HOOK3: variants seen among roughly 807,000 people sequenced by gnomAD.
HOOK3 encodes protein Hook homolog 3.
A neutral mutation model predicts 116.3 loss-of-function variants in HOOK3; 24 were observed. That is an observed-to-expected ratio of 0.21 (90% confidence interval 0.15 to 0.29). The LOEUF (loss-of-function observed/expected upper bound fraction) is 0.29. Ranked by LOEUF, HOOK3 falls within the 10% of genes least tolerant of loss-of-function variation. The probability of loss-of-function intolerance (pLI) is 1.00; values close to 1 mark genes in which losing one functional copy is unlikely to be tolerated. For missense variants in HOOK3, 632 were observed against 830.2 expected (o/e 0.76, Z 2.93); for synonymous variants, 275 against 283.0 (o/e 0.97, Z 0.28).
At position 42,994,434 on chromosome 8, in the gene HOOK3, G is replaced by A. The variant is rs191545829; in HGVS notation, c.1533-3116G>A. 1,300 of 415,840 alleles carry A rather than the reference G, an allele frequency of 3.1e-3. 34 individuals carry two copies. The highest frequency in any genetic ancestry group is 0.022 in the South Asian group (1,256 of 58,136). 25.8% of individuals were successfully genotyped at this position (415,840 alleles called of 1,614,324 possible). On this transcript the variant is annotated intron_variant, in intron 15 of 21. Transcript: ENST00000307602. ...GAAGGTTTTCTCTTTTTTGATGTAG[G>A]TACTTGTGCCCATAAATTTCCCTCT...
At chr8:42,986,233 A>G (rs1809046946) in intron 14 of HOOK3, among the ~76,000 whole-genome samples, 1 of 152,200 alleles carries the variant, frequency 6.6e-6, no homozygotes, top group Admixed American at 6.6e-5. Context: ...TATTTCAGGA[A>G]TGGGTAGACT....
At chr8:42,903,174 G>A (rs1218871087) in intron 1 of HOOK3, among the ~76,000 whole-genome samples, 2 of 152,082 alleles carry the variant, frequency 1.3e-5, no homozygotes, top group Non-Finnish European at 2.9e-5. Flanking sequence ...GGGCAGCTTG[G>A]AAGGATCCTC....
chr8:43,002,922 A>G (rs987459794), intron 17 of HOOK3, among the ~76,000 whole-genome samples: 1 of 152,222 alleles, frequency 6.6e-6, no homozygotes. Context: ...GGAATTACAA[A>G]CAAGGACTTT....
intron 2 of HOOK3, among the ~76,000 whole-genome samples, chr8:42,919,129 C>T (rs937751395): frequency 8.0e-5 from 12 of 149,938 alleles, no homozygotes; most frequent in East Asian, 4.0e-4. Context: ...CGGGTGGAGA[C>T]GCTCCTCACT....
At chr8:42,923,779 T>C (rs998477713) in intron 2 of HOOK3, among the ~76,000 whole-genome samples, 2 of 152,206 alleles carry the variant, frequency 1.3e-5, no homozygotes, top group African/African-American at 4.8e-5. Context: ...AAATGCATTG[T>C]GTACTGTAAA....
At chr8:42,963,432 T>C (rs1233137105) in intron 8 of HOOK3, among the ~76,000 whole-genome samples, 2 of 152,250 alleles carry the variant, frequency 1.3e-5, no homozygotes, top group South Asian at 4.1e-4. Context: ...AACGTTTGGA[T>C]TGTTTCCAGT....
At chr8:42,921,126 G>A (rs1304534342) in intron 2 of HOOK3, among the ~76,000 whole-genome samples, 1 of 151,880 alleles carries the variant, frequency 6.6e-6, no homozygotes, top group Non-Finnish European at 1.5e-5. Context: ...TAACCTTGGA[G>A]ATCTTGGAGT....
chr8:42,906,809 T>G (rs1406909196), intron 2 of HOOK3, among the ~76,000 whole-genome samples: 1 of 152,202 alleles, frequency 6.6e-6, no homozygotes, highest in Non-Finnish European at 1.5e-5. Context: ...GGGAATTTGT[T>G]TTCACTGTTG....
At chr8:42,897,320 C>T (rs1042533998) in intron 1 of HOOK3, 132 bp downstream of exon 1, 1 of 512,858 alleles carries the variant, frequency 1.9e-6, no homozygotes, top group Admixed American at 4.4e-5. Context: ...GCGGGCGGGG[C>T]GAGGAGGCTC....
chr8:42,999,835 T>C lies in HOOK3; in HGVS notation c.1620+2198T>C, dbSNP rs984452537. On this transcript the variant is annotated intron_variant, in intron 16 of 21. Coordinates refer to ENST00000307602, the MANE Select transcript of HOOK3 (RefSeq NM_032410.4). ...GAGGAGACGGTAGAAAAAAGAAAAA[T>C]GTACATTTCTTTTAAAAGTGCATAT... Among the ~76,000 whole-genome samples, 6 of 151,934 alleles carry C rather than the reference T, an allele frequency of 3.9e-5. No individual in the cohort carries two copies. In the East Asian group the frequency reaches 7.7e-4, roughly 20 times the overall value.
intron 6 of HOOK3, 90 bp downstream of exon 6, chr8:42,950,545 C>A: frequency 4.1e-6 from 3 of 731,922 alleles, no homozygotes; most frequent in South Asian, 2.0e-5. Context: ...TTAAGAGATT[C>A]TCCTCATTTT....
At chr8:42,949,377 T>C (rs1489760097) in intron 5 of HOOK3, 1 of 152,070 alleles carries the variant, frequency 6.6e-6, no homozygotes, top group African/African-American at 2.4e-5. Flanking sequence ...GTGGATCATT[T>C]TATTTTTTGT....
rs1283081574 is a variant in HOOK3, at chr8:43,026,259, T to G, written c.*7761T>G. The G allele has an allele frequency of 5.1e-6, 1 of 197,990 alleles. No homozygotes were observed. The highest frequency in any genetic ancestry group is 1.0e-5 in the Non-Finnish European group (1 of 95,838). 12.3% of individuals were successfully genotyped at this position (197,990 alleles called of 1,614,324 possible). On this transcript the variant is annotated 3_prime_UTR_variant, in exon 22 of 22. Coordinates refer to ENST00000307602, the MANE Select transcript of HOOK3 (RefSeq NM_032410.4). ...TAGTGTGTGTATTTTATTTAGTGTCTTAATATATAGTCTTTATATAGTATC... is the reference window on the plus strand; with the variant it reads ...TAGTGTGTGTATTTTATTTAGTGTCGTAATATATAGTCTTTATATAGTATC...
chr8:42,973,225 A>C, intron 11 of HOOK3, 64 bp from the exon 12 acceptor site: 1 of 1,525,880 alleles, frequency 6.6e-7, no homozygotes, highest in Non-Finnish European at 8.8e-7. Flanking sequence ...AACCTGTAGA[A>C]GAAAATAAGG....
chr8:42,930,364 C>A (rs1163070570), intron 4 of HOOK3, among the ~76,000 whole-genome samples, 192 bp downstream of exon 4: 1 of 152,170 alleles, frequency 6.6e-6, no homozygotes, highest in African/African-American at 2.4e-5. Flanking sequence ...ATCCTTTTCA[C>A]TGTATTATAG....
intron 13 of HOOK3, among the ~76,000 whole-genome samples, chr8:42,980,747 G>A (rs1808923392): frequency 6.6e-6 from 1 of 152,108 alleles, no homozygotes; most frequent in Non-Finnish European, 1.5e-5. Context: ...ATCTGGGTGT[G>A]GAGACGGGTG....
In HOOK3 at chr8:42,973,373, G is replaced by T; in HGVS notation, c.1207G>T (p.Val403Phe). 3 of 1,612,376 alleles carry T rather than the reference G, an allele frequency of 1.9e-6. No homozygotes were observed. The South Asian group carries it at 3.3e-5, about 18-fold the overall frequency. Reference sequence around the variant, plus strand: ...TGAATATAAGCGGCTAAAAGAAAAAGTTGACAGTCTTCAAAAAGAAAAGGA... The same window carrying T: ...TGAATATAAGCGGCTAAAAGAAAAATTTGACAGTCTTCAAAAAGAAAAGGA... ...DFEYKRLKEK[V>F]DSLQKEKDRL... Residue 403 changes from valine (V) to phenylalanine (F), a missense_variant, in exon 12 of 22, where the codon GTT becomes TTT. Physicochemically the swap from Val to Phe is conservative, Grantham distance 50. This residue lies in a region of HOOK3 where 483 missense variants were observed against 648.1 expected (regional missense o/e 0.75). Transcript: ENST00000307602.
chr8:43,002,104 TAGTC>T lies in HOOK3; in HGVS notation c.1623_1626del (p.Val542PhefsTer2), dbSNP rs775292800. On this transcript the variant is annotated splice_acceptor_variant and coding_sequence_variant, in exon 17 of 22. Coordinates refer to ENST00000307602, the MANE Select transcript of HOOK3 (RefSeq NM_032410.4). LOFTEE classifies it high-confidence loss of function. ...ATAAACTAATTTTGTTTTTCATTTT[TAGTC>T]AGTCCTTCTAAAAAAGAAGCTTGAA... 2.5e-6 allele frequency: 4 copies of T among 1,570,714 alleles called. No homozygotes were observed. Among genetic ancestry groups the T allele is most frequent in the Middle Eastern group, 1.7e-4 (1 of 5,972 alleles).
At chr8:42,986,568 T>C (rs1316200635) in intron 14 of HOOK3, 87 bp from the exon 15 acceptor site, 6 of 966,780 alleles carry the variant, frequency 6.2e-6, no homozygotes, top group Admixed American at 3.0e-5. Flanking sequence ...TTTGTAAGAG[T>C]GCTTAGCTGG....
Sources: gnomAD v4.1 joint callset for allele counts (sites outside exome capture counted in the v4.1 genomes callset) on GRCh38, gnomAD v4.1.1 for gene constraint, gnomAD v4.1.1 regional missense constraint, MANE v1.5 for transcripts, NCBI Gene and HGNC (gene_info 2026-07-23, HGNC 2026-07-21) for gene names.